Variants in CACNA1E observed in about 807,000 individuals in gnomAD.
The protein encoded by CACNA1E is voltage-dependent R-type calcium channel subunit alpha-1E.
In CACNA1E, 40 loss-of-function variants were observed where a neutral mutation model predicts 259.2. The observed-to-expected ratio is 0.15, with a 90% CI of 0.12 to 0.20. The LOEUF (loss-of-function observed/expected upper bound fraction) is 0.20. Among genes scored for constraint, CACNA1E ranks in the 10% least tolerant of loss-of-function variants. The pLI, the probability that CACNA1E is intolerant of heterozygous loss-of-function variation, is 1.00. For missense variants in CACNA1E, 1,874 were observed against 3,040.1 expected (o/e 0.62, Z 9.02); for synonymous variants, 1,104 against 1,138.5 (o/e 0.97, Z 0.61).
chr1:181,779,089 G>A (rs1391489918), intron 38 of CACNA1E, among the ~76,000 whole-genome samples: 1 of 152,222 alleles, frequency 6.6e-6, no homozygotes, highest in Admixed American at 6.5e-5. Context: ...ACAGCGGTCT[G>A]AGTCATTTGT....
At chr1:181,746,618 G>A (rs1441546024) in intron 25 of CACNA1E, among the ~76,000 whole-genome samples, 6 of 152,192 alleles carry the variant, frequency 3.9e-5, no homozygotes, top group Non-Finnish European at 8.8e-5. Context: ...CCTATGGGTA[G>A]ATGGAGAAGG....
At chr1:181,712,549 G>T (rs1653476927) in intron 8 of CACNA1E, among the ~76,000 whole-genome samples, 1 of 152,142 alleles carries the variant, frequency 6.6e-6, no homozygotes, top group Non-Finnish European at 1.5e-5. Context: ...AGGGTTGAGA[G>T]GGTACCTGTA....
chr1:181,764,538 C>T (rs958968834), intron 34 of CACNA1E, among the ~76,000 whole-genome samples: 3 of 152,184 alleles, frequency 2.0e-5, no homozygotes, highest in Admixed American at 6.5e-5. Flanking sequence ...ACTTCTTCAT[C>T]GAGGACCTGG....
chr1:181,350,428 C>A (rs531481779), intron 1 of CACNA1E, among the ~76,000 whole-genome samples: 3 of 152,200 alleles, frequency 2.0e-5, no homozygotes, highest in Admixed American at 6.5e-5. Context: ...CCTCTTTTCT[C>A]CTGCTCTTTT....
rs868405755 is a variant in CACNA1E, at chr1:181,599,413, C to T, written c.951+18637C>T. Among the ~76,000 whole-genome samples, 13 of 152,158 alleles carry T rather than the reference C, an allele frequency of 8.5e-5. 2 individuals are homozygous for T. In the South Asian group the frequency reaches 2.7e-3, roughly 32 times the overall value. On this transcript the variant is annotated intron_variant, in intron 6 of 47. Coordinates refer to ENST00000367573, the MANE Select transcript of CACNA1E (RefSeq NM_001205293.3). ...CATGTCTTTGTATTCTTCATCTGGC[C>T]AATGCCTACTGATCCCTCAAGCTTC...
At position 181,796,534 on chromosome 1, in the gene CACNA1E, G is replaced by T. The variant is rs76333943; in HGVS notation, c.6209-134G>T. On this transcript the variant is annotated intron_variant, in intron 46 of 47. Coordinates refer to ENST00000367573, the MANE Select transcript of CACNA1E (RefSeq NM_001205293.3). ...ATTAGGCCTCAACATTTGAATTTGG[G>T]GGGGGACACAAACATGTGGTTCCTC... 9.1e-4 allele frequency: 526 copies of T among 580,226 alleles called. 4 individuals are homozygous for T. In the Admixed American group the frequency reaches 0.01, roughly 11 times the overall value. The allele number at this position is 580,226 out of a possible 1,614,324, so 35.9% of individuals were successfully genotyped here.
chr1:181,458,805 A>G (rs1383334010), intron 2 of CACNA1E, among the ~76,000 whole-genome samples: 1 of 151,376 alleles, frequency 6.6e-6, no homozygotes, highest in Non-Finnish European at 1.5e-5. Context: ...CACATGATAC[A>G]TTTTAAATCA....
rs771671904 is a variant in CACNA1E, at chr1:181,803,205, G to T, written c.*4371G>T. 3.3e-5 allele frequency: 5 copies of T among 152,162 alleles called. No homozygotes were observed. In the South Asian group the frequency reaches 6.2e-4, roughly 19 times the overall value. 9.4% of individuals were successfully genotyped at this position (152,162 alleles called of 1,614,324 possible). On this transcript the variant is annotated 3_prime_UTR_variant, in exon 48 of 48. Coordinates refer to ENST00000367573, the MANE Select transcript of CACNA1E (RefSeq NM_001205293.3). ...TCTCTCATAGATCCCAGAGCAATGG[G>T]CACCGTCCAGGAGGTACAGGAGAGG...
chr1:181,763,188 G>A (rs1435309450), intron 33 of CACNA1E, among the ~76,000 whole-genome samples: 3 of 152,108 alleles, frequency 2.0e-5, no homozygotes, highest in Non-Finnish European at 4.4e-5. Context: ...CCCTTCTCCA[G>A]TACATCCTTT....
In CACNA1E at chr1:181,579,214, G is replaced by T; in HGVS notation, c.759G>T (p.Met253Ile). 6.2e-7 allele frequency: 1 copy of T among 1,612,482 alleles called. No homozygotes were observed. Among genetic ancestry groups the T allele is most frequent in the East Asian group, 2.2e-5 (1 of 44,830 alleles). ...YSGKLHRACF[M>I]NNSGILEGFD... is the part of the protein sequence containing the mutation. ...GCAAGTTACATCGAGCATGCTTCAT[G>T]AACAATTCAGGTAGGGTCGTTCTTT... is the stretch of plus-strand genomic sequence containing the variant. Residue 253 changes from methionine (M) to isoleucine (I), a missense_variant, in exon 5 of 48, where the codon ATG (methionine) becomes ATT (isoleucine). Physicochemically the swap from Met to Ile is conservative, Grantham distance 10. This residue lies in a region of CACNA1E where 28 missense variants were observed against 64.6 expected (regional missense o/e 0.43). Transcript: ENST00000367573.
chr1:181,632,302 G>C (rs896347373), intron 6 of CACNA1E, among the ~76,000 whole-genome samples: 4 of 152,092 alleles, frequency 2.6e-5, no homozygotes, highest in African/African-American at 9.7e-5. Flanking sequence ...CCAGTTTATA[G>C]AGGGTATAGA....
At chr1:181,498,262 A>G (rs1277189330) in intron 1 of CACNA1E, among the ~76,000 whole-genome samples, 1 of 152,220 alleles carries the variant, frequency 6.6e-6, no homozygotes, top group African/African-American at 2.4e-5. Context: ...TTATATCCTG[A>G]TAAAGACTAT....
intron 43 of CACNA1E, among the ~76,000 whole-genome samples, chr1:181,789,566 C>A (rs74127863): frequency 6.6e-6 from 1 of 152,098 alleles, no homozygotes; most frequent in Admixed American, 6.5e-5. Context: ...AATCTGGAAG[C>A]TCACTCTGCA....
At chr1:181,323,360 A>G (rs1650517847) in intron 1 of CACNA1E, among the ~76,000 whole-genome samples, 1 of 152,168 alleles carries the variant, frequency 6.6e-6, no homozygotes, top group East Asian at 1.9e-4. Context: ...TCCAATCCAT[A>G]CTAGCTATAT....
At chr1:181,786,613 G>A (rs546575350) in intron 43 of CACNA1E, among the ~76,000 whole-genome samples, 1 of 152,264 alleles carries the variant, frequency 6.6e-6, no homozygotes, top group Non-Finnish European at 1.5e-5. Context: ...ATCTACTATA[G>A]CATATGTATC....
chr1:181,776,811 G>A lies in CACNA1E; in HGVS notation c.5267+583G>A, dbSNP rs528676957. Among the ~76,000 whole-genome samples, 6 of 152,340 alleles carry A rather than the reference G, an allele frequency of 3.9e-5. No individual in the cohort carries two copies. The highest frequency in any genetic ancestry group is 1.9e-4 in the East Asian group (1 of 5,190). On this transcript the variant is annotated intron_variant, in intron 38 of 47. Transcript: ENST00000367573. This position sits in a 1 kb window ranked among gnomAD's most constrained non-coding sequence, Gnocchi z 4.4. ...TCTTTACTGTCTCTTTTGCTGTTTA[G>A]TAGTTCTGAAGTGATAGCGTGCCTT...
intron 3 of CACNA1E, among the ~76,000 whole-genome samples, chr1:181,556,974 G>T (rs575090950): frequency 1.2e-4 from 19 of 152,300 alleles, no homozygotes; most frequent in South Asian, 1.2e-3. Context: ...GAAGGTGTGA[G>T]ATCAGCAGGC....
chr1:181,386,803 C>T (rs1426768083), intron 1 of CACNA1E, among the ~76,000 whole-genome samples: 1 of 152,170 alleles, frequency 6.6e-6, no homozygotes, highest in Non-Finnish European at 1.5e-5. Context: ...AACTCTTAAG[C>T]CTTCCCCAAA....
At position 181,580,534 on chromosome 1, in the gene CACNA1E, C is replaced by A. The variant is rs142572453; in HGVS notation, c.770-61C>A. 2.6e-5 allele frequency: 40 copies of A among 1,522,258 alleles called. No individual in the cohort carries two copies. In the East Asian group the frequency reaches 7.9e-4, roughly 30 times the overall value. 94.3% of individuals were successfully genotyped at this position (1,522,258 alleles called of 1,614,324 possible). The stretch of plus-strand genomic sequence containing the variant: ...TTGCTTGCCTATGGCTTCCTGGGGT[C>A]ATTTCCAGCTCATGCGAAACACCAT... On this transcript the variant is annotated intron_variant, in intron 5 of 47. Coordinates refer to ENST00000367573, the MANE Select transcript of CACNA1E (RefSeq NM_001205293.3).
Sources: allele counts gnomAD v4.1 joint callset (sites outside exome capture counted in the v4.1 genomes callset), GRCh38; gene constraint gnomAD v4.1.1; regional missense constraint gnomAD v4.1.1; non-coding constraint Gnocchi (gnomAD v3.1); transcripts MANE v1.5; gene names NCBI Gene and HGNC (gene_info 2026-07-23, HGNC 2026-07-21).